BLTP1: variants seen among roughly 807,000 people sequenced by gnomAD.
BLTP1 encodes bridge-like lipid transfer protein family member 1.
chr4:122,300,008 T>C, the BLTP1 span: 3 of 875,776 alleles, frequency 3.4e-6, no homozygotes, highest in Non-Finnish European at 4.1e-6. Flanking sequence ...AATACAAATA[T>C]ATATTTTTTT....
chr4:122,240,179 G>A, the BLTP1 span: 1 of 1,614,124 alleles, frequency 6.2e-7, no homozygotes, highest in East Asian at 2.2e-5. Context: ...AACAACCCGT[G>A]ATGAATTGTT....
the BLTP1 span, among the ~76,000 whole-genome samples, chr4:122,322,705 A>G: frequency 1.3e-5 from 2 of 152,112 alleles, no homozygotes; most frequent in Non-Finnish European, 2.9e-5. Flanking sequence ...ATGCCTCTGA[A>G]CTGTGAACTT....
chr4:122,336,398 A>T, the BLTP1 span: 1 of 1,282,264 alleles, frequency 7.8e-7, no homozygotes, highest in Admixed American at 2.4e-5. Context: ...ATATTTTGGG[A>T]TCTTATTATA....
chr4:122,275,640 G>A, the BLTP1 span, among the ~76,000 whole-genome samples: 1 of 152,190 alleles, frequency 6.6e-6, no homozygotes, highest in African/African-American at 2.4e-5. Flanking sequence ...AATGTTTATA[G>A]AACAGATTTT....
chr4:122,346,984 A>G, the BLTP1 span: 1 of 767,314 alleles, frequency 1.3e-6, no homozygotes, highest in Non-Finnish European at 1.6e-6. Flanking sequence ...TTGAGATTAC[A>G]TTCTGGCTGA....
the BLTP1 span, chr4:122,289,673 G>A: frequency 1.0e-6 from 1 of 972,210 alleles, no homozygotes; most frequent in Non-Finnish European, 1.2e-6. Context: ...AAGTATTAGG[G>A]AATTAGGGTG....
chr4:122,197,708 A>T, the BLTP1 span, among the ~76,000 whole-genome samples: 1,590 of 152,154 alleles, frequency 0.01, 13 homozygotes, highest in South Asian at 0.033. Context: ...GTCAGGGAGT[A>T]AGCCGGGTGG....
the BLTP1 span, chr4:122,238,066 A>T: frequency 6.2e-7 from 1 of 1,608,966 alleles, no homozygotes; most frequent in Non-Finnish European, 8.5e-7. Flanking sequence ...TTGTGTGTTC[A>T]CTTAACCCAC....
At chr4:122,187,143 G>A in the BLTP1 span, 4 of 983,948 alleles carry the variant, frequency 4.1e-6, no homozygotes, top group Middle Eastern at 1.0e-3. Context: ...TGTAATGACA[G>A]CATATCATCC....
chr4:122,292,658 G>C, the BLTP1 span: 1 of 858,032 alleles, frequency 1.2e-6, no homozygotes, highest in Admixed American at 6.2e-5. Flanking sequence ...AAGTGAAAAG[G>C]ATAATTAAAA....
chr4:122,316,417 C>T, the BLTP1 span: 1 of 478,136 alleles, frequency 2.1e-6, no homozygotes, highest in Non-Finnish European at 4.3e-6. Context: ...TGTAAATCAC[C>T]TACTAGGCCT....
At chr4:122,152,503 C>G in the BLTP1 span, 81 of 985,684 alleles carry the variant, frequency 8.2e-5, no homozygotes, top group South Asian at 1.9e-4. Flanking sequence ...GCTGCCGTCG[C>G]CGCCCCTGCC....
chr4:122,275,038 G>A, the BLTP1 span, among the ~76,000 whole-genome samples: 1 of 152,074 alleles, frequency 6.6e-6, no homozygotes, highest in African/African-American at 2.4e-5. Flanking sequence ...GTTCGGTTTG[G>A]ACCTATAAGT....
chr4:122,196,084 G>T, the BLTP1 span, among the ~76,000 whole-genome samples: 1 of 152,162 alleles, frequency 6.6e-6, no homozygotes, highest in South Asian at 2.1e-4. Flanking sequence ...TTACCTTTTA[G>T]AAATCTATTG....
chr4:122,301,374 T>TA, the BLTP1 span: 3 of 1,598,312 alleles, frequency 1.9e-6, no homozygotes, highest in Non-Finnish European at 2.6e-6. Context: ...AATTCTCCTC[T>TA]ATTCCCTAAA....
the BLTP1 span, chr4:122,234,942 G>C: frequency 6.2e-7 from 1 of 1,613,932 alleles, no homozygotes; most frequent in Non-Finnish European, 8.5e-7. Context: ...CACAAGTGCA[G>C]AGTCTGATAT....
the BLTP1 span, chr4:122,350,454 T>C: frequency 6.4e-6 from 6 of 933,040 alleles, no homozygotes; most frequent in Non-Finnish European, 7.7e-6. Flanking sequence ...CAAATATTTA[T>C]TAAGCTACAA....
the BLTP1 span, chr4:122,215,457 A>G: frequency 2.0e-6 from 2 of 985,256 alleles, no homozygotes; most frequent in Admixed American, 6.2e-5. Context: ...CTGAAACCTA[A>G]TAGTAGTTGA....
chr4:122,180,273 T>G, the BLTP1 span, among the ~76,000 whole-genome samples: 1 of 152,200 alleles, frequency 6.6e-6, no homozygotes, highest in Admixed American at 6.5e-5. Flanking sequence ...ACACCTCTAC[T>G]TACCTGTAGG....
Sources: gnomAD v4.1 joint callset for allele counts (sites outside exome capture counted in the v4.1 genomes callset) on GRCh38, gnomAD v4.1.1 for gene constraint, MANE v1.5 for transcripts, NCBI Gene and HGNC (gene_info 2026-07-23, HGNC 2026-07-21) for gene names.